TRHDE: variants seen among roughly 807,000 people sequenced by gnomAD.
The protein encoded by TRHDE is thyrotropin releasing hormone degrading enzyme.
In TRHDE, 72 loss-of-function variants were observed where a neutral mutation model predicts 125.7. That is an observed-to-expected ratio of 0.57 (90% CI 0.47 to 0.70). The LOEUF is 0.70. Among genes scored for constraint, TRHDE ranks in the 30% least tolerant of loss-of-function variants. The probability of loss-of-function intolerance (pLI) is 0.00; values close to 1 mark genes in which losing one functional copy is unlikely to be tolerated. For synonymous variants in TRHDE, 509 were observed against 509.1 expected, an observed-to-expected ratio of 1.00 and a Z score of 0.00; for missense variants, 1,110 against 1,327.1, an observed-to-expected ratio of 0.84 and a Z score of 2.54.
At chr12:72,660,247 G>A (rs1264642375) in intron 18 of TRHDE, among the ~76,000 whole-genome samples, 1 of 152,200 alleles carries the variant, frequency 6.6e-6, no homozygotes, top group Non-Finnish European at 1.5e-5. Flanking sequence ...GAACTTCAAA[G>A]AGGAACCAGA....
chr12:72,143,069 G>A (rs112561267), intron 2 of TRHDE, among the ~76,000 whole-genome samples: 11,325 of 152,210 alleles, frequency 0.074, 730 homozygotes, highest in African/African-American at 0.16. Flanking sequence ...CACTCAAGCT[G>A]TCTGTGGACA....
chr12:72,167,219 A>G (rs527890617), intron 2 of TRHDE, among the ~76,000 whole-genome samples: 3 of 152,236 alleles, frequency 2.0e-5, no homozygotes, highest in South Asian at 4.2e-4. Context: ...CAAAGTGACT[A>G]TGGTAGCACA....
chr12:72,182,756 C>G (rs1034063277), intron 2 of TRHDE, among the ~76,000 whole-genome samples: 17 of 152,168 alleles, frequency 1.1e-4, no homozygotes, highest in African/African-American at 4.1e-4. Flanking sequence ...CTCAGCCTCA[C>G]CAGTCAGATA....
At chr12:72,457,216 G>A (rs866227793) in intron 3 of TRHDE, among the ~76,000 whole-genome samples, 3 of 152,060 alleles carry the variant, frequency 2.0e-5, no homozygotes, top group African/African-American at 7.2e-5. Flanking sequence ...TGCAGGCCGA[G>A]GACTAAATTG....
chr12:72,351,205 T>C (rs973781606), intron 2 of TRHDE, among the ~76,000 whole-genome samples: 2 of 152,004 alleles, frequency 1.3e-5, no homozygotes, highest in Non-Finnish European at 2.9e-5. Context: ...TCAGGTGTGC[T>C]GAAGAAACAA....
chr12:72,575,643 A>G (rs748216306), intron 12 of TRHDE, 101 bp downstream of exon 12: 52 of 1,133,584 alleles, frequency 4.6e-5, no homozygotes, highest in Non-Finnish European at 6.3e-5. Flanking sequence ...GGACATTTAA[A>G]AAAATCTATT....
rs150615630 is a variant in TRHDE, at chr12:72,652,349, A to C, written c.2703A>C (p.Val901=). The C allele has an allele frequency of 5.2e-4, 817 of 1,557,712 alleles. 3 individuals are homozygous for C. In the African/African-American group the frequency reaches 9.7e-3, roughly 19 times the overall value. Residue 901 remains valine (V), a synonymous_variant, in exon 16 of 19, where the codon GTA becomes GTC. Coordinates refer to ENST00000261180, the MANE Select transcript of TRHDE (RefSeq NM_013381.3). The part of the protein sequence containing the change: ...NRIPLNVRDI[V]YCTGVSLLDE... ...TACCACTAAATGTTAGAGACATCGT[A>C]TACTGTACAGGAGTGTCACTACTGG...
At chr12:72,534,026 C>G (rs1036206745) in intron 6 of TRHDE, among the ~76,000 whole-genome samples, 2 of 151,792 alleles carry the variant, frequency 1.3e-5, no homozygotes, top group African/African-American at 4.8e-5. Context: ...TTGATGAGTA[C>G]CTGGGTATAG....
chr12:72,271,896 G>A (rs1427166465), upstream of TRHDE: 1 of 456,508 alleles, frequency 2.2e-6, no homozygotes, highest in South Asian at 1.5e-5. Flanking sequence ...ACTGGAATGA[G>A]GGAGTCTCGC....
intron 2 of TRHDE, among the ~76,000 whole-genome samples, chr12:72,319,273 T>C (rs7971962): frequency 0.61 from 93,338 of 151,920 alleles, 29,543 homozygotes; most frequent in Non-Finnish European, 0.7. Context: ...AGAGAAGTGC[T>C]GCTGACCTTG....
intron 3 of TRHDE, among the ~76,000 whole-genome samples, chr12:72,449,755 T>A (rs1456653662): frequency 6.6e-6 from 1 of 152,026 alleles, no homozygotes; most frequent in African/African-American, 2.4e-5. Context: ...CATGGTGTTA[T>A]GGGAAGGAAC....
chr12:72,398,517 T>G (rs1872902439), intron 3 of TRHDE, among the ~76,000 whole-genome samples: 1 of 152,234 alleles, frequency 6.6e-6, no homozygotes, highest in South Asian at 2.1e-4. Flanking sequence ...GACAAGAATT[T>G]TATCACGATA....
At chr12:72,437,473 A>G (rs1402685385) in intron 3 of TRHDE, among the ~76,000 whole-genome samples, 1 of 151,918 alleles carries the variant, frequency 6.6e-6, no homozygotes, top group Non-Finnish European at 1.5e-5. Flanking sequence ...TTGTCAAACA[A>G]TACTGAATGG....
At chr12:72,187,471 T>C (rs1197634097) in intron 2 of TRHDE, among the ~76,000 whole-genome samples, 8 of 120,406 alleles carry the variant, frequency 6.6e-5, no homozygotes, top group South Asian at 3.2e-4. Flanking sequence ...TGGTGGTGGT[T>C]GTGGTCGTGG....
rs199870406 is a variant in TRHDE, at chr12:72,621,483, A to AT, written c.2568-161_2568-160insT. Reference sequence around the variant, plus strand: ...CTCACTGGAGTACTGTTAAACTTTTAGTATGTTTAACTTCCACTCTGCCTA... The same window carrying AT: ...CTCACTGGAGTACTGTTAAACTTTTATGTATGTTTAACTTCCACTCTGCCTA... On this transcript the variant is annotated intron_variant, in intron 14 of 18. Transcript: ENST00000261180. Among the ~76,000 whole-genome samples, 47 of 152,234 alleles carry AT rather than the reference A, an allele frequency of 3.1e-4. No individual in the cohort carries two copies. The East Asian group carries it at 7.9e-3, about 26-fold the overall frequency.
chr12:72,359,755 A>G (rs1317431940), intron 2 of TRHDE, among the ~76,000 whole-genome samples: 1 of 151,728 alleles, frequency 6.6e-6, no homozygotes, highest in Non-Finnish European at 1.5e-5. Flanking sequence ...CAACATTTAC[A>G]ATAAGACTTT....
At chr12:72,089,173 A>G (rs997201894) in intron 1 of TRHDE, among the ~76,000 whole-genome samples, 5 of 152,144 alleles carry the variant, frequency 3.3e-5, no homozygotes, top group Non-Finnish European at 5.9e-5. Context: ...GCTTGAAAGA[A>G]TATCCTAAAA....
intron 2 of TRHDE, among the ~76,000 whole-genome samples, chr12:72,133,116 G>T (rs953272658): frequency 2.0e-5 from 3 of 152,148 alleles, no homozygotes; most frequent in Admixed American, 1.3e-4. Context: ...GAAAGCTTTT[G>T]TAAGTATACA....
intron 5 of TRHDE, among the ~76,000 whole-genome samples, chr12:72,498,779 G>A (rs549519067): frequency 6.6e-6 from 1 of 152,268 alleles, no homozygotes; most frequent in South Asian, 2.1e-4. Flanking sequence ...AACATGCAGA[G>A]AATGGAAGTC....
Sources: allele counts gnomAD v4.1 joint callset (sites outside exome capture counted in the v4.1 genomes callset), GRCh38; gene constraint gnomAD v4.1.1; transcripts MANE v1.5; gene names NCBI Gene and HGNC (gene_info 2026-07-23, HGNC 2026-07-21).